CHD4: variants seen among roughly 807,000 people sequenced by gnomAD.
CHD4 encodes chromodomain helicase DNA binding protein 4.
A neutral mutation model predicts 235.5 loss-of-function variants in CHD4; 35 were observed. That is an observed-to-expected ratio of 0.15 (90% CI 0.11 to 0.20). The LOEUF (loss-of-function observed/expected upper bound fraction) is 0.20. Ranked by LOEUF, CHD4 falls within the 10% of genes least tolerant of loss-of-function variation. The pLI is 1.00. For missense variants in CHD4, 1,329 were observed against 2,432.3 expected, an observed-to-expected ratio of 0.55 and a Z score of 9.54; for synonymous variants, 900 against 850.2, an observed-to-expected ratio of 1.06 and a Z score of -1.02.
At chr12:6,589,775 AAAAAG>A (rs1356006389) in intron 22 of CHD4, among the ~76,000 whole-genome samples, 6 of 152,150 alleles carry the variant, frequency 3.9e-5, no homozygotes, top group African/African-American at 9.6e-5. Context: ...CAAAAAAAAA[AAAAAG>A]AAAAGGACAC....
chr12:6,582,761 G>T lies in CHD4; in HGVS notation c.4237-13C>A. 6.2e-7 allele frequency: 1 copy of T among 1,614,150 alleles called. No individual in the cohort carries two copies. Among genetic ancestry groups the T allele is most frequent in the Non-Finnish European group, 8.5e-7 (1 of 1,180,040 alleles). Reference sequence around the variant, plus strand: ...TAAAACCAAGTACCTAGGGGAAGAAGAAACCCAGGTGAGAGGCAGCAGGTC... The same window carrying T: ...TAAAACCAAGTACCTAGGGGAAGAATAAACCCAGGTGAGAGGCAGCAGGTC... On this transcript the variant is annotated splice_polypyrimidine_tract_variant and intron_variant, in intron 28 of 39. Transcript: ENST00000544040.
At chr12:6,581,223 G>A (rs1274829474) in intron 32 of CHD4, 50 bp from the exon 33 acceptor site, 16 of 1,612,426 alleles carry the variant, frequency 9.9e-6, no homozygotes, top group Non-Finnish European at 1.4e-5. Flanking sequence ...AGACAGGCCA[G>A]CAACTAAAAG....
intron 30 of CHD4, 59 bp downstream of exon 30, chr12:6,582,078 C>T (rs1948204375): frequency 1.3e-6 from 2 of 1,489,294 alleles, no homozygotes; most frequent in East Asian, 4.7e-5. Context: ...GCTGGGATTA[C>T]AGGTGTGAGC....
In CHD4 at chr12:6,593,374, C is replaced by A. The variant is rs752930501; in HGVS notation, c.2514+42G>T. 2.5e-6 allele frequency: 4 copies of A among 1,608,168 alleles called. No individual in the cohort carries two copies. The highest frequency in any genetic ancestry group is 3.4e-6 in the Non-Finnish European group (4 of 1,175,422). On this transcript the variant is annotated intron_variant, in intron 16 of 39. Coordinates refer to ENST00000544040, the MANE Select transcript of CHD4 (RefSeq NM_001273.5). The surrounding 1 kb of genome is among the most constrained non-coding windows in gnomAD (Gnocchi z 4.9). ...ACAAGGAGGTAAACTAAGCCAGAAG[C>A]CACAACTCTTTCTCTAGGGTGGCTT...
Position 6,591,593 on chromosome 12 carries a change from A to C in CHD4, c.3223-10T>G, listed in dbSNP as rs113879233. On this transcript the variant is annotated splice_polypyrimidine_tract_variant and intron_variant, in intron 21 of 39. Coordinates refer to ENST00000544040, the MANE Select transcript of CHD4 (RefSeq NM_001273.5). Reference sequence around the variant, plus strand: ...CTAGCATCTTGGTCATCTGCAAAAGAAGCACGGTTTAATTATGGAAGAGTC... The same window carrying C: ...CTAGCATCTTGGTCATCTGCAAAAGCAGCACGGTTTAATTATGGAAGAGTC... The C allele has an allele frequency of 1.3e-4, 212 of 1,614,066 alleles. No individual in the cohort carries two copies. The highest frequency in any genetic ancestry group is 1.6e-4 in the Non-Finnish European group (188 of 1,179,904).
rs776001431 is a variant in CHD4, at chr12:6,602,003, C to T, written c.395G>A (p.Arg132Gln). 5.0e-6 allele frequency: 8 copies of T among 1,610,628 alleles called. No individual in the cohort carries two copies. Among genetic ancestry groups the T allele is most frequent in the African/African-American group, 1.3e-5 (1 of 74,762 alleles). The change falls in exon 4 of 40, where the codon CGG becomes CAG. Residue 132 changes from arginine (R) to glutamine (Q), a missense_variant. Physicochemically the swap from Arg to Gln is conservative, Grantham distance 43. This residue lies in a region of CHD4 where 213 missense variants were observed against 177.5 expected (regional missense o/e 1.20). Coordinates refer to ENST00000544040, the MANE Select transcript of CHD4 (RefSeq NM_001273.5). ...ATCCTCCTCCTCCTCCTCCTCCTTC[C>T]GCTTGGATTTGCTCTTCTTCTCTTT... Reference protein sequence around the residue: ...PKKEKKSKSKRKEEEEEEDDD... With the variant: ...PKKEKKSKSKQKEEEEEEDDD...
In CHD4 at chr12:6,599,975, T is replaced by C; in HGVS notation, c.1280A>G (p.Asn427Ser). The C allele has an allele frequency of 1.2e-6, 2 of 1,614,160 alleles. No individual in the cohort carries two copies. The highest frequency in any genetic ancestry group is 1.3e-5 in the African/African-American group (1 of 75,024). ...EGIQWEAKED[N>S]SEGEEILEEV... ...TTCCAGGATCTCCTCACCCTCCGAA[T>C]TGTCCTCTTTAGCTTCCCACTGGAT... Residue 427 changes from asparagine (N) to serine (S), a missense_variant, in exon 10 of 40, where the codon AAT (asparagine) becomes AGT (serine). This residue lies in a region of CHD4 where 37 missense variants were observed against 49.9 expected (regional missense o/e 0.74). Transcript: ENST00000544040.
Position 6,581,693 on chromosome 12 carries a change from G to C in CHD4, c.4637C>G (p.Pro1546Arg), listed in dbSNP as rs1227587996. The change falls in exon 31 of 40, where the codon CCA becomes CGA. Residue 1546 changes from proline to arginine, a missense_variant. Pro to Arg is a moderately radical substitution (Grantham distance 103). This residue lies in a region of CHD4 where 219 missense variants were observed against 219.3 expected (regional missense o/e 1.00). Coordinates refer to ENST00000544040, the MANE Select transcript of CHD4 (RefSeq NM_001273.5). ...AGGAGTGTTGGGCTGCGTGTCCCCTGGAGTGGAGGGTGTAGGAGTTTTTGG... is the reference window on the plus strand; with the variant it reads ...AGGAGTGTTGGGCTGCGTGTCCCCTCGAGTGGAGGGTGTAGGAGTTTTTGG... ...PSPKTPTPST[P>R]GDTQPNTPAP... The C allele has an allele frequency of 6.2e-6, 10 of 1,610,768 alleles. No homozygotes were observed. The highest frequency in any genetic ancestry group is 8.5e-6 in the Non-Finnish European group (10 of 1,177,968).
At position 6,602,128 on chromosome 12, in the gene CHD4, T is replaced by C. The variant is rs550772886; in HGVS notation, c.270A>G (p.Pro90=). The C allele has an allele frequency of 3.5e-5, 56 of 1,613,808 alleles. No homozygotes were observed. The South Asian group carries it at 5.7e-4, about 16-fold the overall frequency. ...RQLGDSSGEG[P]EFVEEEEEVA... ...CCTCTTCCTCCTCCTCCACAAACTC[T>C]GGCCCCTCCCCAGAGCTGTCCCCCA... The change falls in exon 4 of 40, where the codon CCA becomes CCG. Residue 90 remains proline (P), a synonymous_variant. Transcript: ENST00000544040.
chr12:6,591,122 C>CAAA (rs35011913), intron 22 of CHD4: 50 of 25,574 alleles, frequency 2.0e-3, no homozygotes, highest in Non-Finnish European at 2.4e-3. Context: ...GACTCCATCT[C>CAAA]AAAAAAAAAA....
chr12:6,604,578 C>T (rs1948657626), intron 2 of CHD4, among the ~76,000 whole-genome samples: 6 of 152,182 alleles, frequency 3.9e-5, no homozygotes, highest in Admixed American at 3.3e-4. Context: ...CCCCCAACCC[C>T]CATCAGCTAC....
intron 37 of CHD4, among the ~76,000 whole-genome samples, chr12:6,574,935 T>C (rs987531723): frequency 6.6e-6 from 1 of 152,226 alleles, no homozygotes; most frequent in African/African-American, 2.4e-5. Flanking sequence ...GGGTTTTACA[T>C]TTTAAAATGG....
At chr12:6,595,278 C>A (rs1210675057) in intron 14 of CHD4, 56 bp downstream of exon 14, 35 of 1,394,156 alleles carry the variant, frequency 2.5e-5, no homozygotes, top group Non-Finnish European at 3.4e-5. Context: ...CATTAGACTG[C>A]AGCAAAGATA....
chr12:6,576,933 A>C (rs996909730), intron 37 of CHD4, among the ~76,000 whole-genome samples: 1 of 146,036 alleles, frequency 6.8e-6, no homozygotes, highest in African/African-American at 2.7e-5. Flanking sequence ...ACGAGACAAC[A>C]GACACGTCTT....
chr12:6,594,863 T>C (rs1436563959), intron 14 of CHD4, among the ~76,000 whole-genome samples: 5 of 152,224 alleles, frequency 3.3e-5, no homozygotes, highest in African/African-American at 2.4e-5. Flanking sequence ...ATTTTGATCC[T>C]ACAGATCACT....
At chr12:6,602,321 T>C in intron 3 of CHD4, 55 bp downstream of exon 3, 1 of 1,609,834 alleles carries the variant, frequency 6.2e-7, no homozygotes, top group Non-Finnish European at 8.5e-7. Flanking sequence ...TCAACCCTTC[T>C]CAGAGCTCCT....
At chr12:6,580,703 T>TAAAAAAAAAAA (rs1948166027) in intron 33 of CHD4, 1 of 116,806 alleles carries the variant, frequency 8.6e-6, no homozygotes, top group African/African-American at 1.4e-4. Flanking sequence ...AAAACTCCTT[T>TAAAAAAAAAAA]GAAAAAAAAA....
chr12:6,605,909 G>T (rs548226143), intron 2 of CHD4, among the ~76,000 whole-genome samples: 1 of 152,104 alleles, frequency 6.6e-6, no homozygotes, highest in Admixed American at 6.5e-5. Context: ...CTTTCAAACA[G>T]AATCCTCAAC....
intron 32 of CHD4, 26 bp from the exon 33 acceptor site, chr12:6,581,199 A>C (rs778917476): frequency 6.2e-7 from 1 of 1,611,012 alleles, no homozygotes; most frequent in Non-Finnish European, 8.5e-7. Context: ...AAACAAAAAC[A>C]AAACAGATGA....
Sources: allele counts gnomAD v4.1 joint callset (sites outside exome capture counted in the v4.1 genomes callset), GRCh38; gene constraint gnomAD v4.1.1; regional missense constraint gnomAD v4.1.1; non-coding constraint Gnocchi (gnomAD v3.1); transcripts MANE v1.5; gene names NCBI Gene and HGNC (gene_info 2026-07-23, HGNC 2026-07-21).